Variants in TMEM14B observed in about 807,000 individuals in gnomAD.
TMEM14B encodes transmembrane protein 14B.
TMEM14B carries 9 observed loss-of-function variants against 14.8 expected under a neutral mutation model. The ratio of observed to expected loss-of-function variants is 0.61; its 90% CI spans 0.37 to 1.06. TMEM14B has a LOEUF of 1.06. Among genes scored for constraint, TMEM14B ranks in the 50% least tolerant of loss-of-function variants. TMEM14B has a pLI of 0.01. For synonymous variants in TMEM14B, 40 were observed against 51.3 expected (o/e 0.78, Z 0.94); for missense variants, 128 against 143.6 (o/e 0.89, Z 0.56).
intron 3 of TMEM14B, 32 bp downstream of exon 3, chr6:10,749,730 A>G (rs1355133706): frequency 1.2e-6 from 2 of 1,611,714 alleles, no homozygotes; most frequent in Non-Finnish European, 1.7e-6. Flanking sequence ...GCCTCTTAAC[A>G]TCTTCACGTT....
At chr6:10,748,048 AAG>A (rs1467663288) in intron 1 of TMEM14B, among the ~76,000 whole-genome samples, 167 bp downstream of exon 1, 1 of 152,082 alleles carries the variant, frequency 6.6e-6, no homozygotes, top group Non-Finnish European at 1.5e-5. Context: ...CTTGTCTTAA[AAG>A]AGGCTGTGGA....
chr6:10,757,986 GTC>G (rs918471238), downstream of TMEM14B, among the ~76,000 whole-genome samples: 8 of 146,084 alleles, frequency 5.5e-5, no homozygotes, highest in Admixed American at 1.4e-4. Flanking sequence ...GTGAGACTCT[GTC>G]TCAAAAAAAA....
rs1275037132 is a variant in TMEM14B at position 10,753,866 on chromosome 6, TA to T, written c.203-1275del. ...GCACAGCCATCGTCCTAGTCCCAGT[TA>T]TCCCCTCTTTCTTACCTGCATTCCC... On this transcript the variant is annotated intron_variant, in intron 4 of 5. Transcript: ENST00000379542. Among the ~76,000 whole-genome samples, 426 of 152,046 alleles carry T rather than the reference TA, an allele frequency of 2.8e-3. 3 individuals carry two copies. Among genetic ancestry groups the T allele is most frequent in the African/African-American group, 9.4e-3 (388 of 41,308 alleles).
At chr6:10,748,220 TC>T (rs1360926942) in intron 1 of TMEM14B, among the ~76,000 whole-genome samples, 4 of 152,004 alleles carry the variant, frequency 2.6e-5, no homozygotes, top group Non-Finnish European at 5.9e-5. Flanking sequence ...CCGCTGCCCT[TC>T]CCCGTTTTAT....
chr6:10,755,386 AATAGTTGATTTAATGTCAAATG>A, intron 5 of TMEM14B, 154 bp downstream of exon 5: 1 of 1,521,082 alleles, frequency 6.6e-7, no homozygotes, highest in South Asian at 1.2e-5. Context: ...CTTCAAAAAC[AATAGTTGATTTAATGTCAAATG>A]ACATGAGTAT....
chr6:10,751,007 C>G, intron 3 of TMEM14B, 126 bp from the exon 4 acceptor site: 3 of 1,111,690 alleles, frequency 2.7e-6, no homozygotes, highest in Non-Finnish European at 3.8e-6. Context: ...TGCTTGAGTC[C>G]ACCTTGGCTG....
intron 3 of TMEM14B, 132 bp from the exon 4 acceptor site, chr6:10,751,001 T>C: frequency 9.7e-7 from 1 of 1,025,914 alleles, no homozygotes; most frequent in South Asian, 1.6e-5. Flanking sequence ...CCTTCCTGCT[T>C]GAGTCCACCT....
At chr6:10,754,383 G>A (rs1216974052) in intron 4 of TMEM14B, among the ~76,000 whole-genome samples, 1 of 152,100 alleles carries the variant, frequency 6.6e-6, no homozygotes, top group East Asian at 1.9e-4. Context: ...TGACTTCTGT[G>A]CCACGCTGCC....
downstream of TMEM14B, among the ~76,000 whole-genome samples, chr6:10,758,657 G>GGGGGCACAATCCATATTACTGTT (rs1467336057): frequency 9.9e-5 from 15 of 151,304 alleles, no homozygotes; most frequent in Admixed American, 9.8e-4. Flanking sequence ...ATATTACTGT[G>GGGGGCACAATCCATATTACTGTT]GGGGCACAAG....
At chr6:10,759,473 T>C (rs1314069281), downstream of TMEM14B, 2 of 152,168 alleles carry the variant, frequency 1.3e-5, no homozygotes, top group Admixed American at 6.5e-5. Context: ...GTAGGTTACA[T>C]TCCTAAATGC....
chr6:10,755,597 T>A (rs1771774152), intron 5 of TMEM14B: 1 of 1,255,486 alleles, frequency 8.0e-7, no homozygotes, highest in Non-Finnish European at 1.0e-6. Flanking sequence ...TAAAAGGAAA[T>A]TTTGATTGAA....
chr6:10,759,440 C>T (rs146250188), downstream of TMEM14B: 67 of 152,176 alleles, frequency 4.4e-4, no homozygotes, highest in African/African-American at 1.5e-3. Context: ...TGGAAATCCC[C>T]GTGAACATGT....
At chr6:10,751,725 G>A (rs928111978) in intron 4 of TMEM14B, among the ~76,000 whole-genome samples, 2 of 152,094 alleles carry the variant, frequency 1.3e-5, no homozygotes, top group African/African-American at 4.8e-5. Flanking sequence ...CTCTTTAGCA[G>A]TCAGCTAACT....
chr6:10,755,389 A>G (rs1281112866), intron 5 of TMEM14B, 157 bp downstream of exon 5: 1 of 1,517,844 alleles, frequency 6.6e-7, no homozygotes, highest in Non-Finnish European at 8.8e-7. Context: ...CAAAAACAAT[A>G]GTTGATTTAA....
intron 3 of TMEM14B, 148 bp downstream of exon 3, chr6:10,749,846 A>AGCTCCT (rs1489413986): frequency 1.2e-4 from 105 of 894,456 alleles, no homozygotes; most frequent in Admixed American, 1.9e-4. Context: ...TCAGTCTTGC[A>AGCTCCT]GCTCCTGCCC....
chr6:10,754,596 A>G (rs1771734738), intron 4 of TMEM14B, among the ~76,000 whole-genome samples: 1 of 152,198 alleles, frequency 6.6e-6, no homozygotes, highest in African/African-American at 2.4e-5. Flanking sequence ...TTTTTTGTGT[A>G]GCATCAATTA....
intron 4 of TMEM14B, among the ~76,000 whole-genome samples, chr6:10,752,015 C>T (rs911995919): frequency 1.3e-5 from 2 of 151,984 alleles, no homozygotes; most frequent in Non-Finnish European, 2.9e-5. Context: ...AGGGAGAAGC[C>T]GTGTGATCTG....
At position 10,749,278 on chromosome 6, in the gene TMEM14B, C is replaced by G. The variant is rs760019752; in HGVS notation, c.23+10C>G. Reference sequence around the variant, plus strand: ...AGCCCCTCTTCCCATTGTGAGTAGACAGTAAATGGTTAGAGAGTAGCCAGG... The same window carrying G: ...AGCCCCTCTTCCCATTGTGAGTAGAGAGTAAATGGTTAGAGAGTAGCCAGG... On this transcript the variant is annotated intron_variant, in intron 2 of 5. Transcript: ENST00000379542. 1 of 1,613,952 alleles carries G rather than the reference C, an allele frequency of 6.2e-7. No homozygotes were observed. The highest frequency in any genetic ancestry group is 1.3e-5 in the African/African-American group (1 of 74,896).
chr6:10,750,905 A>G (rs968017130), intron 3 of TMEM14B, among the ~76,000 whole-genome samples: 8 of 152,024 alleles, frequency 5.3e-5, no homozygotes, highest in African/African-American at 1.9e-4. Context: ...CTTTCCTTAG[A>G]TGGAAGTGCC....
Sources: gnomAD v4.1 joint callset for allele counts (sites outside exome capture counted in the v4.1 genomes callset) on GRCh38, gnomAD v4.1.1 for gene constraint, MANE v1.5 for transcripts, NCBI Gene and HGNC (gene_info 2026-07-23, HGNC 2026-07-21) for gene names.